GSTCD: variants seen among roughly 807,000 people sequenced by gnomAD.
GSTCD encodes the protein glutathione S-transferase C-terminal domain containing, also known as glutathione S-transferase C-terminal domain-containing protein.
GSTCD carries 44 observed loss-of-function variants against 68.3 expected under a neutral mutation model. That is an observed-to-expected ratio of 0.64 (90% CI 0.51 to 0.83). GSTCD has a LOEUF of 0.83. GSTCD is among the 40% of genes least tolerant of loss of function. GSTCD has a pLI of 0.00. For missense variants in GSTCD, 739 were observed against 735.9 expected (o/e 1.00, Z -0.05); for synonymous variants, 273 against 255.2 (o/e 1.07, Z -0.67).
intron 5 of GSTCD, among the ~76,000 whole-genome samples, chr4:105,759,431 T>A (rs1313786647): frequency 6.6e-6 from 1 of 152,114 alleles, no homozygotes; most frequent in East Asian, 1.9e-4. Flanking sequence ...GAGGAGGCTG[T>A]TGGTCCATTT....
chr4:105,753,351 G>A (rs1734069250), intron 5 of GSTCD: 1 of 151,940 alleles, frequency 6.6e-6, no homozygotes, highest in Non-Finnish European at 1.5e-5. Context: ...CTTTCAGCAT[G>A]ATTTCTAATA....
intron 5 of GSTCD, among the ~76,000 whole-genome samples, chr4:105,782,637 G>A (rs1170574628): frequency 6.6e-6 from 1 of 151,890 alleles, no homozygotes. Flanking sequence ...TCAGGCTGGA[G>A]TACAATGCTG....
At chr4:105,797,358 C>A (rs988930038) in intron 5 of GSTCD, among the ~76,000 whole-genome samples, 1 of 151,940 alleles carries the variant, frequency 6.6e-6, no homozygotes. Context: ...TCCATACTAC[C>A]ACAATGAAGT....
chr4:105,748,466 A>G (rs936679535), intron 5 of GSTCD, among the ~76,000 whole-genome samples: 1 of 152,152 alleles, frequency 6.6e-6, no homozygotes, highest in Non-Finnish European at 1.5e-5. Context: ...TTTCTCTTCT[A>G]TTAAGAGTGA....
intron 5 of GSTCD, among the ~76,000 whole-genome samples, chr4:105,762,827 T>C (rs1734465294): frequency 6.6e-6 from 1 of 152,202 alleles, no homozygotes; most frequent in Admixed American, 6.5e-5. Flanking sequence ...CACTCTTTCC[T>C]ACATGTTTCT....
intron 5 of GSTCD, among the ~76,000 whole-genome samples, chr4:105,768,518 C>T (rs1419826460): frequency 6.6e-6 from 1 of 151,956 alleles, no homozygotes; most frequent in East Asian, 1.9e-4. Context: ...ACACAGGAGA[C>T]TATCTTAGTT....
chr4:105,793,712 A>G (rs900851473), intron 5 of GSTCD, among the ~76,000 whole-genome samples: 1 of 151,944 alleles, frequency 6.6e-6, no homozygotes, highest in Non-Finnish European at 1.5e-5. Flanking sequence ...CCCTGCCCCC[A>G]CCCACCGCAG....
At chr4:105,797,569 T>C (rs1735944658) in intron 5 of GSTCD, among the ~76,000 whole-genome samples, 1 of 152,136 alleles carries the variant, frequency 6.6e-6, no homozygotes, top group Non-Finnish European at 1.5e-5. Context: ...ATATTTTTGC[T>C]GGTGGAGGGT....
chr4:105,735,050 C>T (rs1263214719), intron 5 of GSTCD, among the ~76,000 whole-genome samples: 1 of 152,198 alleles, frequency 6.6e-6, no homozygotes, highest in East Asian at 1.9e-4. Flanking sequence ...AGCTTCGTCT[C>T]AGAGGGGTAC....
At chr4:105,730,684 C>T (rs7681623) in intron 5 of GSTCD, among the ~76,000 whole-genome samples, 20,818 of 152,068 alleles carry the variant, frequency 0.14, 2,124 homozygotes, top group African/African-American at 0.29. Flanking sequence ...TTCTCCCATT[C>T]TGTAGGTTGC....
chr4:105,758,548 TC>T (rs1734282725), intron 5 of GSTCD, among the ~76,000 whole-genome samples: 1 of 152,330 alleles, frequency 6.6e-6, no homozygotes, highest in African/African-American at 2.4e-5. Flanking sequence ...AATGGAAGCT[TC>T]CTGAGGCTTC....
At chr4:105,725,603 C>T (rs902045100) in intron 3 of GSTCD, among the ~76,000 whole-genome samples, 8 of 151,970 alleles carry the variant, frequency 5.3e-5, no homozygotes, top group Non-Finnish European at 1.2e-4. Context: ...TTTTTATATA[C>T]TTAGTTGCCA....
intron 5 of GSTCD, among the ~76,000 whole-genome samples, chr4:105,771,956 T>C (rs1383090447): frequency 3.3e-5 from 5 of 152,190 alleles, no homozygotes; most frequent in Admixed American, 6.5e-5. Context: ...ATAAATTACT[T>C]TGGGCAGTAT....
chr4:105,754,974 C>T (rs974573689), intron 5 of GSTCD, among the ~76,000 whole-genome samples: 6 of 146,404 alleles, frequency 4.1e-5, no homozygotes, highest in Non-Finnish European at 7.4e-5. Context: ...AATCCCAGCA[C>T]TTTGGGAGGC....
At chr4:105,731,727 A>G (rs1290301511) in intron 5 of GSTCD, among the ~76,000 whole-genome samples, 5 of 152,160 alleles carry the variant, frequency 3.3e-5, no homozygotes, top group Admixed American at 6.5e-5. Flanking sequence ...TTCCAACACT[A>G]TGTTGAATAG....
intron 1 of GSTCD, among the ~76,000 whole-genome samples, chr4:105,716,262 T>A (rs1732677951): frequency 6.6e-6 from 1 of 151,934 alleles, no homozygotes; most frequent in African/African-American, 2.4e-5. Context: ...AGCGTGGGGA[T>A]TGGGGTTTGT....
chr4:105,791,807 T>G (rs1298841911), intron 5 of GSTCD, among the ~76,000 whole-genome samples: 1 of 152,084 alleles, frequency 6.6e-6, no homozygotes, highest in Non-Finnish European at 1.5e-5. Context: ...CATAGAAGAA[T>G]CTATATGTCA....
At chr4:105,726,522 C>T (rs72671858) in intron 3 of GSTCD, 57 bp from the exon 4 acceptor site, 63,786 of 1,151,984 alleles carry the variant, frequency 0.055, 2,051 homozygotes, top group Middle Eastern at 0.098. Context: ...GTTACCTCAA[C>T]ACAGCTATTA....
At chr4:105,712,532 G>A (rs1030817171) in intron 1 of GSTCD, 2 of 152,230 alleles carry the variant, frequency 1.3e-5, no homozygotes, top group African/African-American at 4.8e-5. Flanking sequence ...CCATTGGATG[G>A]TTTTGAGCAC....
Sources: allele counts gnomAD v4.1 joint callset (sites outside exome capture counted in the v4.1 genomes callset), GRCh38; gene constraint gnomAD v4.1.1; transcripts MANE v1.5; gene names NCBI Gene and HGNC (gene_info 2026-07-23, HGNC 2026-07-21).